The following HAUS3 variants were observed in gnomAD, a reference collection of about 807,000 sequenced individuals.
HAUS3 encodes the protein HAUS augmin like complex subunit 3, also known as HAUS augmin-like complex subunit 3.
A neutral mutation model predicts 55.2 loss-of-function variants in HAUS3; 36 were observed. The ratio of observed to expected loss-of-function variants is 0.65; its 90% confidence interval spans 0.50 to 0.86. The LOEUF (loss-of-function observed/expected upper bound fraction) is 0.86. HAUS3 is among the 40% of genes least tolerant of loss of function. The pLI, the probability that HAUS3 is intolerant of heterozygous loss-of-function variation, is 0.00. For missense variants in HAUS3, 752 were observed against 671.5 expected (o/e 1.12, Z -1.33); for synonymous variants, 234 against 238.6 (o/e 0.98, Z 0.18).
At position 2,238,781 on chromosome 4, in the gene HAUS3, TATG is replaced by T. The variant is rs768642929; in HGVS notation, c.1169_1171del (p.Ser390del). The T allele has an allele frequency of 1.4e-5, 22 of 1,613,700 alleles. No homozygotes were observed. Among genetic ancestry groups the T allele is most frequent in the Non-Finnish European group, 1.4e-5 (16 of 1,179,834 alleles). The stretch of plus-strand genomic sequence containing the variant: ...CCGATGCTTTCTTAATTCAATTTCA[TATG>T]ATAACTGTAGAAGTTCAAATGATGC... On this transcript the variant is annotated inframe_deletion, in exon 4 of 6. Coordinates refer to ENST00000443786, the MANE Select transcript of HAUS3 (RefSeq NM_001303143.2).
At chr4:2,232,419 T>C (rs1156264098) in intron 5 of HAUS3, among the ~76,000 whole-genome samples, 1 of 152,210 alleles carries the variant, frequency 6.6e-6, no homozygotes, top group African/African-American at 2.4e-5. Context: ...TGTAAGCTGT[T>C]CTGTGCATTC....
intron 2 of HAUS3, 43 bp downstream of exon 2, chr4:2,241,477 A>AG: frequency 1.0e-6 from 1 of 985,102 alleles, no homozygotes; most frequent in Non-Finnish European, 1.2e-6. Context: ...AAGAAGACGC[A>AG]AATAAGCATG....
Position 2,236,419 on chromosome 4 carries a change from CTTT to C in HAUS3, c.1384_1386del (p.Lys462del), listed in dbSNP as rs1560104524. ...AGGTTTCCATGAGTTAGAAACAATT[CTTT>C]TTTCTTATTCTCTCCCTCCAAAACT... On this transcript the variant is annotated inframe_deletion, in exon 5 of 6. Coordinates refer to ENST00000443786, the MANE Select transcript of HAUS3 (RefSeq NM_001303143.2). 6.2e-7 allele frequency: 1 copy of C among 1,613,140 alleles called. No individual in the cohort carries two copies. Among genetic ancestry groups the C allele is most frequent in the East Asian group, 2.2e-5 (1 of 44,838 alleles).
Position 2,240,535 on chromosome 4 carries a change from T to C in HAUS3, c.412A>G (p.Asn138Asp). The C allele has an allele frequency of 6.2e-7, 1 of 1,613,828 alleles. No homozygotes were observed. The highest frequency in any genetic ancestry group is 8.5e-7 in the Non-Finnish European group (1 of 1,179,966). ...TTAGTGGCTTCTTCTTCTTTAGCAT[T>C]TAACCTCAGAGATTTGTGGCTAGTT... ...SVTSHKSLRL[N>D]AKEEEATKKL... The change falls in exon 3 of 6, where the codon AAT becomes GAT. Residue 138 changes from asparagine to aspartate, a missense_variant. Coordinates refer to ENST00000443786, the MANE Select transcript of HAUS3 (RefSeq NM_001303143.2).
In HAUS3 at chr4:2,229,387, A is replaced by C; in HGVS notation, c.*2540T>G. 5 of 624,770 alleles carry C rather than the reference A, an allele frequency of 8.0e-6. No homozygotes were observed. Among genetic ancestry groups the C allele is most frequent in the Non-Finnish European group, 1.3e-5 (5 of 399,794 alleles). The allele number at this position is 624,770 out of a possible 1,614,324, so 38.7% of individuals were successfully genotyped here. A position where few individuals can be genotyped will look rare whatever the true frequency, so the allele number is the denominator to read the frequency against. On this transcript the variant is annotated 3_prime_UTR_variant, in exon 6 of 6. Coordinates refer to ENST00000443786, the MANE Select transcript of HAUS3 (RefSeq NM_001303143.2). ...TAACCACAGAAAATAGGCATCAATCATCCAATAATATAGATAGAAAGAAAA... is the reference window on the plus strand; with the variant it reads ...TAACCACAGAAAATAGGCATCAATCCTCCAATAATATAGATAGAAAGAAAA...
chr4:2,233,000 C>T (rs1212869437), intron 5 of HAUS3, among the ~76,000 whole-genome samples: 1 of 152,146 alleles, frequency 6.6e-6, no homozygotes, highest in Non-Finnish European at 1.5e-5. Context: ...GACTAAATTA[C>T]TTAATCTCTG....
rs541217535 is a variant in HAUS3 at position 2,237,269 on chromosome 4, A to T, written c.1350-813T>A. Among the ~76,000 whole-genome samples, 305 of 137,428 alleles carry T rather than the reference A, an allele frequency of 2.2e-3. 1 individual carries two copies. The highest frequency in any genetic ancestry group is 9.6e-3 in the African/African-American group (290 of 30,096). 90.2% of individuals were successfully genotyped at this position (137,428 alleles called of 152,430 possible). A position where few individuals can be genotyped will look rare whatever the true frequency, so the allele number is the denominator to read the frequency against. ...AACATATTGAAGCCCCATCTCTACA[A>T]ATTTTTTTTTTTTTTAATTAGCCAG... On this transcript the variant is annotated intron_variant, in intron 4 of 5. Coordinates refer to ENST00000443786, the MANE Select transcript of HAUS3 (RefSeq NM_001303143.2).
Position 2,238,692 on chromosome 4 carries a change from T to G in HAUS3, c.1261A>C (p.Lys421Gln). 4 of 1,612,986 alleles carry G rather than the reference T, an allele frequency of 2.5e-6. No homozygotes were observed. The highest frequency in any genetic ancestry group is 3.4e-6 in the Non-Finnish European group (4 of 1,179,058). ...ELSQSNMMLY[K>Q]QLEMLTDPSV... ...GGATCTGTTAACATTTCTAATTGCT[T>G]GTAGAGCATCATGTTACTTTGACTA... is the stretch of plus-strand genomic sequence containing the variant. The change falls in exon 4 of 6, where the codon AAG becomes CAG. Residue 421 changes from lysine to glutamine, a missense_variant. By Grantham distance (53) the Lys-to-Gln change is moderately conservative. Transcript: ENST00000443786.
rs1455357880 is a variant in HAUS3, at chr4:2,236,250, T to C, written c.1556A>G (p.Asn519Ser). The C allele has an allele frequency of 6.2e-7, 1 of 1,611,654 alleles. No homozygotes were observed. ...MLCDTLYQGGNQLLLSDQELT... is the reference protein window; with the variant it reads ...MLCDTLYQGGSQLLLSDQELT... ...CACCTGATCACTAAGCAAAAGCTGA[T>C]TTCCTCCTTGATACAAAGTATCACA... is the stretch of plus-strand genomic sequence containing the variant. The change falls in exon 5 of 6, where the codon AAT becomes AGT. Residue 519 changes from asparagine to serine, a missense_variant. By Grantham distance (46) the Asn-to-Ser change is conservative (BLOSUM62 1). Coordinates refer to ENST00000443786, the MANE Select transcript of HAUS3 (RefSeq NM_001303143.2).
At position 2,240,591 on chromosome 4, in the gene HAUS3, C is replaced by T. The variant is rs1734946724; in HGVS notation, c.356G>A (p.Arg119Gln). The T allele has an allele frequency of 1.2e-6, 2 of 1,612,446 alleles. No homozygotes were observed. Among genetic ancestry groups the T allele is most frequent in the African/African-American group, 1.3e-5 (1 of 74,738 alleles). ...AGCCATCAATTGACATTTATTACGT[C>T]GCTGAATTTTTAGGTTCTTTAATTT... The part of the protein sequence containing the change: ...LLKLKNLKIQ[R>Q]RNKCQLMASV... The change falls in exon 3 of 6, where the codon CGA becomes CAA. Residue 119 changes from arginine to glutamine, a missense_variant. By Grantham distance (43) the Arg-to-Gln change is conservative. Transcript: ENST00000443786.
At chr4:2,237,250 T>A (rs995011146) in intron 4 of HAUS3, among the ~76,000 whole-genome samples, 1 of 150,978 alleles carries the variant, frequency 6.6e-6, no homozygotes. Flanking sequence ...TGGCAACATA[T>A]TGAAGCCCCA....
In HAUS3 at chr4:2,240,447, T is replaced by A. The variant is rs1734937736; in HGVS notation, c.500A>T (p.Gln167Leu). 1 of 1,613,832 alleles carries A rather than the reference T, an allele frequency of 6.2e-7. No homozygotes were observed. Among genetic ancestry groups the A allele is most frequent in the Admixed American group, 1.7e-5 (1 of 59,964 alleles). The change falls in exon 3 of 6, where the codon CAG (glutamine) becomes CTG (leucine). Residue 167 changes from glutamine (Q) to leucine (L), a missense_variant. Coordinates refer to ENST00000443786, the MANE Select transcript of HAUS3 (RefSeq NM_001303143.2). ...TTGTGTAACTTCATCAGTAAGAGCCTGAAGTTCATTACTGATCTTAGTGAT... is the reference window on the plus strand; with the variant it reads ...TTGTGTAACTTCATCAGTAAGAGCCAGAAGTTCATTACTGATCTTAGTGAT... ...AMITKISNEL[Q>L]ALTDEVTQLM...
At position 2,240,305 on chromosome 4, in the gene HAUS3, T is replaced by A. The variant is rs751481057; in HGVS notation, c.642A>T (p.Leu214Phe). The A allele has an allele frequency of 1.3e-5, 21 of 1,610,046 alleles. No individual in the cohort carries two copies. The highest frequency in any genetic ancestry group is 1.7e-5 in the Admixed American group (1 of 59,338). The change falls in exon 3 of 6, where the codon TTA becomes TTT. Residue 214 changes from leucine (L) to phenylalanine (F), a missense_variant. Leu to Phe is a conservative substitution (Grantham distance 22, BLOSUM62 0). Coordinates refer to ENST00000443786, the MANE Select transcript of HAUS3 (RefSeq NM_001303143.2). The stretch of plus-strand genomic sequence containing the variant: ...AGAACTGTTTTTTGGTATACAAAGT[T>A]AATGCTGCTGTGCTTTGCTCTTCCT... ...LSQEEQSTAA[L>F]TLYTKKQFFQ...
At chr4:2,236,482 G>C (rs1267933250) in intron 4 of HAUS3, 26 bp from the exon 5 acceptor site, 2 of 1,496,696 alleles carry the variant, frequency 1.3e-6, no homozygotes, top group South Asian at 1.1e-5. Context: ...TAAAATTATA[G>C]GGAAAAATTA....
At position 2,228,539 on chromosome 4, in the gene HAUS3, G is replaced by A. The variant is rs61792605; in HGVS notation, c.*3388C>T. 10 of 186,092 alleles carry A rather than the reference G, an allele frequency of 5.4e-5. No individual in the cohort carries two copies. The highest frequency in any genetic ancestry group is 1.9e-4 in the African/African-American group (8 of 41,472). The allele number at this position is 186,092 out of a possible 1,614,324, so 11.5% of individuals were successfully genotyped here. ...TTTTTAGTAGAGACAGTGTTTTACC[G>A]TGTTAGCCAGGATGGTCTCGATCTC... On this transcript the variant is annotated 3_prime_UTR_variant, in exon 6 of 6. Transcript: ENST00000443786.
rs756800343 is a variant in HAUS3, at chr4:2,229,168, G to C, written c.*2759C>G. On this transcript the variant is annotated 3_prime_UTR_variant, in exon 6 of 6. Transcript: ENST00000443786. ...GAATGCATAGCAGACATAATCTTCT[G>C]AGCAACACTGGAGAGCGGTGTATTA... The C allele has an allele frequency of 1.9e-6, 3 of 1,610,826 alleles. No individual in the cohort carries two copies. The highest frequency in any genetic ancestry group is 2.5e-6 in the Non-Finnish European group (3 of 1,177,148).
chr4:2,238,398 T>C (rs1734842039), intron 4 of HAUS3, among the ~76,000 whole-genome samples: 1 of 151,690 alleles, frequency 6.6e-6, no homozygotes, highest in Admixed American at 6.6e-5. Context: ...AAAGTAGCTA[T>C]TTTCAGATCT....
intron 5 of HAUS3, among the ~76,000 whole-genome samples, chr4:2,235,193 A>G (rs1360741204): frequency 2.6e-5 from 4 of 152,212 alleles, no homozygotes; most frequent in Non-Finnish European, 5.9e-5. Context: ...CTATGTGGAG[A>G]AATTTTCAAA....
At position 2,240,421 on chromosome 4, in the gene HAUS3, A is replaced by G; in HGVS notation, c.526T>C (p.Leu176=). The change falls in exon 3 of 6, where the codon TTG becomes CTG. Residue 176 remains leucine, a synonymous_variant. Transcript: ENST00000443786. Reference sequence around the variant, plus strand: ...TTAGAATGTCTGAAGAACATCATCAATTGTGTAACTTCATCAGTAAGAGCC... The same window carrying G: ...TTAGAATGTCTGAAGAACATCATCAGTTGTGTAACTTCATCAGTAAGAGCC... ...LQALTDEVTQ[L]MMFFRHSNLG... is the part of the protein sequence containing the mutation. 2 of 1,613,750 alleles carry G rather than the reference A, an allele frequency of 1.2e-6. No homozygotes were observed. Among genetic ancestry groups the G allele is most frequent in the Non-Finnish European group, 8.5e-7 (1 of 1,179,832 alleles).
Sources: allele counts gnomAD v4.1 joint callset (sites outside exome capture counted in the v4.1 genomes callset), GRCh38; gene constraint gnomAD v4.1.1; transcripts MANE v1.5; gene names NCBI Gene and HGNC (gene_info 2026-07-23, HGNC 2026-07-21).